FRMD4A: variants seen among roughly 807,000 people sequenced by gnomAD.
The protein encoded by FRMD4A is FERM domain-containing protein 4A.
A neutral mutation model predicts 129.1 loss-of-function variants in FRMD4A; 29 were observed. The ratio of observed to expected loss-of-function variants is 0.22; its 90% CI spans 0.17 to 0.31. The LOEUF is 0.31. Among genes scored for constraint, FRMD4A ranks in the 10% least tolerant of loss-of-function variants. The pLI, the probability that FRMD4A is intolerant of heterozygous loss-of-function variation, is 1.00. For missense variants in FRMD4A, 1,272 were observed against 1,375.8 expected (o/e 0.92, Z 1.19); for synonymous variants, 634 against 571.6 (o/e 1.11, Z -1.56).
chr10:14,039,407 C>CATCCATCTATCTATCT lies in FRMD4A; in HGVS notation c.46-180496_46-180495insAGATAGATAGATGGAT, dbSNP rs1285305420. ...CCATCCATCCATCCATCCATCCATC[C>CATCCATCTATCTATCT]ATCTATCTATCTATCTATCTATCTA... On this transcript the variant is annotated intron_variant, in intron 2 of 24. Transcript: ENST00000357447. Among the ~76,000 whole-genome samples, 99 of 147,770 alleles carry CATCCATCTATCTATCT rather than the reference C, an allele frequency of 6.7e-4. 1 individual carries two copies. The highest frequency in any genetic ancestry group is 2.6e-3 in the African/African-American group (99 of 38,658).
intron 2 of FRMD4A, among the ~76,000 whole-genome samples, chr10:14,116,279 A>G (rs1838192560): frequency 6.6e-6 from 1 of 152,210 alleles, no homozygotes; most frequent in African/African-American, 2.4e-5. Context: ...TATGTTAGGA[A>G]GCCCTGGAAA....
rs189310792 is a variant in FRMD4A at position 13,645,808 on chromosome 10, A to G, written c.*1230T>C. ...TCACACAAGTGCTAACGAACAGAAA[A>G]TGAGCCACGACAGTTAAACACTGAA... On this transcript the variant is annotated 3_prime_UTR_variant, in exon 25 of 25. Transcript: ENST00000357447. 6 of 152,768 alleles carry G rather than the reference A, an allele frequency of 3.9e-5. No individual in the cohort carries two copies. Among genetic ancestry groups the G allele is most frequent in the Admixed American group, 2.6e-4 (4 of 15,308 alleles). The allele number at this position is 152,768 out of a possible 1,614,324, so 9.5% of individuals were successfully genotyped here.
intron 9 of FRMD4A, among the ~76,000 whole-genome samples, chr10:13,745,301 GGTT>G (rs747255898): frequency 2.3e-4 from 35 of 152,198 alleles, no homozygotes; most frequent in Non-Finnish European, 3.5e-4. Context: ...TTGTGGTTGT[GGTT>G]GTTGTTTTTC....
At chr10:14,196,434 T>G (rs1842474840) in intron 2 of FRMD4A, among the ~76,000 whole-genome samples, 1 of 152,200 alleles carries the variant, frequency 6.6e-6, no homozygotes, top group Non-Finnish European at 1.5e-5. Context: ...TCCAACAGCT[T>G]TAGGGCACCT....
intron 2 of FRMD4A, among the ~76,000 whole-genome samples, chr10:13,943,675 A>AAAAAAAAAG (rs2095310696): frequency 3.2e-5 from 4 of 123,652 alleles, no homozygotes; most frequent in African/African-American, 5.7e-5. Context: ...AAAAAAAAAA[A>AAAAAAAAAG]AAAAGAAAAA....
chr10:14,278,208 A>G (rs1845406536), intron 2 of FRMD4A, among the ~76,000 whole-genome samples: 1 of 152,200 alleles, frequency 6.6e-6, no homozygotes, highest in Non-Finnish European at 1.5e-5. Context: ...ACTGAGTCCA[A>G]GGAACAGCCT....
intron 2 of FRMD4A, among the ~76,000 whole-genome samples, chr10:13,887,141 T>C (rs1347637154): frequency 6.6e-6 from 1 of 152,222 alleles, no homozygotes; most frequent in Non-Finnish European, 1.5e-5. Context: ...GGAACTTCTC[T>C]GAATTAGAAT....
intron 14 of FRMD4A, among the ~76,000 whole-genome samples, chr10:13,694,619 AG>A (rs1374684051): frequency 6.6e-6 from 1 of 152,222 alleles, no homozygotes; most frequent in African/African-American, 2.4e-5. Context: ...GGTCATGGAA[AG>A]TTTAGCTGAT....
At chr10:14,260,735 C>A (rs1275991565) in intron 2 of FRMD4A, among the ~76,000 whole-genome samples, 2 of 152,122 alleles carry the variant, frequency 1.3e-5, no homozygotes, top group African/African-American at 4.8e-5. Context: ...AATAGAAACA[C>A]CCAGAGATGA....
intron 2 of FRMD4A, among the ~76,000 whole-genome samples, chr10:14,213,243 CTAAA>C (rs1354439714): frequency 6.6e-6 from 1 of 152,080 alleles, no homozygotes; most frequent in East Asian, 1.9e-4. Flanking sequence ...GACCCTGTCT[CTAAA>C]TAAATAAATA....
intron 2 of FRMD4A, among the ~76,000 whole-genome samples, chr10:14,309,791 C>T (rs974524898): frequency 1.3e-5 from 2 of 152,142 alleles, no homozygotes; most frequent in African/African-American, 4.8e-5. Flanking sequence ...CTCTTCCCAA[C>T]GTAGTCTTCT....
At chr10:13,938,664 G>T (rs939227149) in intron 2 of FRMD4A, among the ~76,000 whole-genome samples, 3 of 152,184 alleles carry the variant, frequency 2.0e-5, no homozygotes, top group African/African-American at 7.2e-5. Flanking sequence ...GCACAGAAGG[G>T]TTAACAGTGA....
At chr10:14,204,293 A>G in intron 2 of FRMD4A, among the ~76,000 whole-genome samples, 1 of 152,154 alleles carries the variant, frequency 6.6e-6, no homozygotes, top group East Asian at 1.9e-4. Context: ...GCCAGACATG[A>G]TGGTGCATGC....
chr10:14,026,347 A>G (rs1430182056), intron 2 of FRMD4A, among the ~76,000 whole-genome samples: 1 of 152,220 alleles, frequency 6.6e-6, no homozygotes, highest in Non-Finnish European at 1.5e-5. Flanking sequence ...ATTAAGGGCA[A>G]AGATAAAGAA....
At chr10:13,662,445 C>A (rs2082705685) in intron 19 of FRMD4A, among the ~76,000 whole-genome samples, 1 of 152,084 alleles carries the variant, frequency 6.6e-6, no homozygotes, top group Non-Finnish European at 1.5e-5. Context: ...GGTTTCCATA[C>A]AGGGCAAAAA....
chr10:13,758,283 G>T (rs2091939569), intron 8 of FRMD4A, among the ~76,000 whole-genome samples: 1 of 152,132 alleles, frequency 6.6e-6, no homozygotes, highest in East Asian at 1.9e-4. Flanking sequence ...TCATTTAAAA[G>T]GTTATTGGAT....
intron 2 of FRMD4A, among the ~76,000 whole-genome samples, chr10:14,230,219 C>G (rs11258956): frequency 0.38 from 58,537 of 152,076 alleles, 11,966 homozygotes; most frequent in South Asian, 0.47. Context: ...CCCTCTCCCC[C>G]CTAGCATCTT....
At chr10:13,817,037 T>C (rs2093555787) in intron 3 of FRMD4A, among the ~76,000 whole-genome samples, 1 of 152,232 alleles carries the variant, frequency 6.6e-6, no homozygotes, top group African/African-American at 2.4e-5. Context: ...TCTTTTTCCA[T>C]TGTCCCTCTT....
chr10:14,178,168 C>T (rs555394336), intron 2 of FRMD4A, among the ~76,000 whole-genome samples: 1 of 152,314 alleles, frequency 6.6e-6, no homozygotes, highest in East Asian at 1.9e-4. Flanking sequence ...GTACTATTTC[C>T]ACCTTGTGTT....
Sources: gnomAD v4.1 joint callset for allele counts (sites outside exome capture counted in the v4.1 genomes callset) on GRCh38, gnomAD v4.1.1 for gene constraint, MANE v1.5 for transcripts, NCBI Gene and HGNC (gene_info 2026-07-23, HGNC 2026-07-21) for gene names.